GLI2: variants seen among roughly 807,000 people sequenced by gnomAD.
GLI2 encodes transcription activator GLI2.
In GLI2, 22 loss-of-function variants were observed where a neutral mutation model predicts 78.9. That is an observed-to-expected ratio of 0.28 (90% CI 0.20 to 0.40). The LOEUF is 0.40. GLI2 is among the 10% of genes least tolerant of loss of function. The probability of loss-of-function intolerance (pLI) is 1.00; values close to 1 mark genes in which losing one functional copy is unlikely to be tolerated. For synonymous variants in GLI2, 974 were observed against 963.7 expected (o/e 1.01, Z -0.20); for missense variants, 2,097 against 2,213.2 (o/e 0.95, Z 1.05).
chr2:120,884,288 A>C (rs11884713), intron 2 of GLI2, among the ~76,000 whole-genome samples: 2,264 of 152,276 alleles, frequency 0.015, 51 homozygotes, highest in African/African-American at 0.05. Flanking sequence ...CTGCGCGCCC[A>C]TGTGCGGGCC....
At chr2:120,812,957 G>C (rs1685326918) in intron 2 of GLI2, among the ~76,000 whole-genome samples, 1 of 152,344 alleles carries the variant, frequency 6.6e-6, no homozygotes, top group East Asian at 1.9e-4. Context: ...ACCTGGCCAT[G>C]TTGTGGAGCC....
At chr2:120,788,178 G>A (rs1684050854) in intron 1 of GLI2, among the ~76,000 whole-genome samples, 1 of 152,242 alleles carries the variant, frequency 6.6e-6, no homozygotes, top group Non-Finnish European at 1.5e-5. Flanking sequence ...AGAGCTGGGA[G>A]GTGAACATGG....
chr2:120,833,388 A>C (rs561475898), intron 2 of GLI2, among the ~76,000 whole-genome samples: 1 of 152,208 alleles, frequency 6.6e-6, no homozygotes, highest in East Asian at 1.9e-4. Context: ...GGTCCAGAAC[A>C]TGGGATCTAT....
In GLI2 at chr2:120,858,062, G is replaced by A. The variant is rs115724991; in HGVS notation, c.148+60594G>A. 5.6e-3 allele frequency among the ~76,000 whole-genome samples: 859 copies of A among 152,254 alleles called. 6 individuals carry two copies. The highest frequency in any genetic ancestry group is 0.019 in the African/African-American group (804 of 41,532). On this transcript the variant is annotated intron_variant, in intron 2 of 13. Coordinates refer to ENST00000361492, the MANE Select transcript of GLI2 (RefSeq NM_001374353.1). ...CTGGGATCACCTGGCCTCTGTGTAGGGTGGTCGAGGTGAGAAGGGAGCTCA... is the reference window on the plus strand; with the variant it reads ...CTGGGATCACCTGGCCTCTGTGTAGAGTGGTCGAGGTGAGAAGGGAGCTCA...
At position 120,984,643 on chromosome 2, in the gene GLI2, G is replaced by A. The variant is rs1041659064; in HGVS notation, c.1805G>A (p.Gly602Asp). 2 of 1,614,102 alleles carry A rather than the reference G, an allele frequency of 1.2e-6. No individual in the cohort carries two copies. Among genetic ancestry groups the A allele is most frequent in the Admixed American group, 3.3e-5 (2 of 60,032 alleles). ...AAAGAGAATGGGGACAGTGAGGCCG[G>A]CACGGAGCCTGGCGGCCCAGAGAGC... ...LLKENGDSEA[G>D]TEPGGPESTE... The change falls in exon 12 of 14, where the codon GGC (glycine) becomes GAC (aspartate). Residue 602 changes from glycine to aspartate, a missense_variant. By Grantham distance (94) the Gly-to-Asp change is moderately conservative. This residue lies in a region of GLI2 where 57 missense variants were observed against 44.5 expected (regional missense o/e 1.28). Coordinates refer to ENST00000361492, the MANE Select transcript of GLI2 (RefSeq NM_001374353.1).
intron 2 of GLI2, among the ~76,000 whole-genome samples, chr2:120,824,453 C>T (rs2104754897): frequency 6.6e-6 from 1 of 152,352 alleles, no homozygotes; most frequent in Middle Eastern, 3.4e-3. Flanking sequence ...TGCTGATCCT[C>T]AGGCCCACCC....
At chr2:120,908,281 G>T (rs2104804541) in intron 2 of GLI2, among the ~76,000 whole-genome samples, 1 of 152,346 alleles carries the variant, frequency 6.6e-6, no homozygotes, top group South Asian at 2.1e-4. Flanking sequence ...AGGTGCCCAA[G>T]ACTGTCCAGA....
At chr2:120,943,026 G>A (rs924898842) in intron 3 of GLI2, among the ~76,000 whole-genome samples, 3 of 152,208 alleles carry the variant, frequency 2.0e-5, no homozygotes, top group Non-Finnish European at 2.9e-5. Context: ...TGAGCATGCT[G>A]TATGTCCCTG....
intron 1 of GLI2, among the ~76,000 whole-genome samples, chr2:120,781,086 C>T (rs1024047038): frequency 6.6e-6 from 1 of 152,208 alleles, no homozygotes; most frequent in African/African-American, 2.4e-5. Flanking sequence ...GCTCCATAGT[C>T]TATAAAAGGA....
At chr2:120,743,424 C>T (rs916825008) in intron 1 of GLI2, among the ~76,000 whole-genome samples, 12 of 151,868 alleles carry the variant, frequency 7.9e-5, no homozygotes, top group African/African-American at 2.2e-4. Context: ...GGCAACATAG[C>T]GATACCCTGT....
chr2:120,794,611 A>T (rs928318950), intron 1 of GLI2, among the ~76,000 whole-genome samples: 3 of 151,972 alleles, frequency 2.0e-5, no homozygotes, highest in African/African-American at 7.3e-5. Flanking sequence ...GGGTGAAGTG[A>T]TGGGGCTCAC....
intron 1 of GLI2, among the ~76,000 whole-genome samples, chr2:120,792,962 C>T (rs1340393368): frequency 1.3e-5 from 2 of 152,222 alleles, no homozygotes; most frequent in South Asian, 4.1e-4. Context: ...ACCTTATGAG[C>T]ACCCCGTTCG....
At chr2:120,925,183 A>T (rs1485955943) in intron 2 of GLI2, among the ~76,000 whole-genome samples, 1 of 152,186 alleles carries the variant, frequency 6.6e-6, no homozygotes, top group Non-Finnish European at 1.5e-5. Context: ...TGGAAGTGAG[A>T]GCTGGCCCAG....
intron 1 of GLI2, among the ~76,000 whole-genome samples, chr2:120,795,847 T>G (rs998593127): frequency 2.6e-5 from 4 of 152,022 alleles, no homozygotes; most frequent in Non-Finnish European, 5.9e-5. Flanking sequence ...GTCAGGAGTT[T>G]GAGACCAGCC....
At chr2:120,944,762 G>A (rs1424311479) in intron 3 of GLI2, among the ~76,000 whole-genome samples, 1 of 152,252 alleles carries the variant, frequency 6.6e-6, no homozygotes, top group African/African-American at 2.4e-5. Context: ...TGACTTCCTT[G>A]AGTCTCAGTT....
chr2:120,970,410 C>A lies in GLI2; in HGVS notation c.863C>A (p.Pro288His). The A allele has an allele frequency of 6.2e-7, 1 of 1,612,590 alleles. No homozygotes were observed. Residue 288 changes from proline to histidine, a missense_variant, in exon 7 of 14, where the codon CCC becomes CAC. Pro to His is a moderately conservative substitution (Grantham distance 77). Around this residue, in one of 5 missense-constraint regions of GLI2, gnomAD observed 578 missense variants for 612.0 expected, o/e 0.94. Transcript: ENST00000361492. ...TGTTGCAGCCCAGCCTTCACCTTCC[C>A]CCACCCCATCAACCCCGTGGCCTAC... ...AGALSPAFTF[P>H]HPINPVAYQQ... is the part of the protein sequence containing the mutation.
intron 2 of GLI2, among the ~76,000 whole-genome samples, chr2:120,919,864 G>A (rs1679283818): frequency 6.6e-6 from 1 of 152,130 alleles, no homozygotes; most frequent in Non-Finnish European, 1.5e-5. Context: ...GCCCAAGAAG[G>A]ATGGGGATCC....
chr2:120,873,469 A>T (rs1438936362), intron 2 of GLI2, among the ~76,000 whole-genome samples: 1 of 152,240 alleles, frequency 6.6e-6, no homozygotes, highest in East Asian at 1.9e-4. Context: ...TGTCTGGCCT[A>T]GTGGAAGGAT....
At position 120,958,884 on chromosome 2, in the gene GLI2, C is replaced by T. The variant is rs547446642; in HGVS notation, c.643+3454C>T. 8.2e-4 allele frequency among the ~76,000 whole-genome samples: 125 copies of T among 152,354 alleles called. 2 individuals are homozygous for T. In the South Asian group the frequency reaches 0.024, roughly 29 times the overall value. On this transcript the variant is annotated intron_variant, in intron 5 of 13. Transcript: ENST00000361492. ...GCTGGGACTTCTCCTTACGTATGGCCGATGGCCCGCCCTGTCAGGTCTGGG... is the reference window on the plus strand; with the variant it reads ...GCTGGGACTTCTCCTTACGTATGGCTGATGGCCCGCCCTGTCAGGTCTGGG...
Sources: allele counts gnomAD v4.1 joint callset (sites outside exome capture counted in the v4.1 genomes callset), GRCh38; gene constraint gnomAD v4.1.1; regional missense constraint gnomAD v4.1.1; transcripts MANE v1.5; gene names NCBI Gene and HGNC (gene_info 2026-07-23, HGNC 2026-07-21).